Variants in SEC22B observed in about 807,000 individuals in gnomAD.
SEC22B encodes SEC22 homolog B, vesicle trafficking protein, also known as vesicle-trafficking protein SEC22b.
Under a neutral mutation model 31.4 loss-of-function variants are expected in SEC22B, and 10 were observed. The ratio of observed to expected loss-of-function variants is 0.32; its 90% CI spans 0.20 to 0.54. The LOEUF is 0.54. Ranked by LOEUF, SEC22B falls within the 20% of genes least tolerant of loss-of-function variation. SEC22B has a pLI of 0.94. For synonymous variants in SEC22B, 60 were observed against 95.9 expected (o/e 0.63, Z 2.19); for missense variants, 130 against 263.4 (o/e 0.49, Z 3.50).
In SEC22B at chr1:120,150,898, G is replaced by A. The variant is rs1423377127; in HGVS notation, c.*6140C>T. On this transcript the variant is annotated 3_prime_UTR_variant, in exon 5 of 5. Coordinates refer to ENST00000578049, the MANE Select transcript of SEC22B (RefSeq NM_004892.6). ...AGAGAAACAGAAGGGGACCGAGTTT[G>A]TGCAAACAAAAAGCGCAAAATAGAA... is the stretch of plus-strand genomic sequence containing the variant. The A allele has an allele frequency of 6.6e-6, 1 of 152,166 alleles. No homozygotes were observed. Among genetic ancestry groups the A allele is most frequent in the East Asian group, 1.9e-4 (1 of 5,184 alleles). The allele number at this position is 152,166 out of a possible 1,614,324, so 9.4% of individuals were successfully genotyped here. A position where few individuals can be genotyped will look rare whatever the true frequency, so the allele number is the denominator to read the frequency against.
chr1:120,169,047 A>T (rs1657854081), intron 1 of SEC22B, 98 bp from the exon 2 acceptor site: 1 of 398,718 alleles, frequency 2.5e-6, no homozygotes, highest in Non-Finnish European at 4.5e-6. Flanking sequence ...GAGGTCCTTC[A>T]TTTACAGGTA....
intron 1 of SEC22B, among the ~76,000 whole-genome samples, chr1:120,172,233 T>TC (rs1657906006): frequency 1.1e-5 from 1 of 87,498 alleles, no homozygotes. Flanking sequence ...AGAGTGAGAC[T>TC]CCATCTCAAA....
chr1:120,168,152 G>A (rs1340551577), intron 2 of SEC22B, among the ~76,000 whole-genome samples: 41 of 151,810 alleles, frequency 2.7e-4, no homozygotes, highest in South Asian at 6.2e-4. Flanking sequence ...TAACTAATCC[G>A]TTTTTATTTT....
rs1657558610 is a variant in SEC22B at position 120,152,358 on chromosome 1, C to T, written c.*4680G>A. ...AATACACTCAGTTGATTCTGAAGCT[C>T]TAATTTACAGATGCAAAATTGTACC... is the stretch of plus-strand genomic sequence containing the variant. On this transcript the variant is annotated 3_prime_UTR_variant, in exon 5 of 5. Transcript: ENST00000578049. 6.7e-6 allele frequency: 1 copy of T among 149,526 alleles called. No individual in the cohort carries two copies. Among genetic ancestry groups the T allele is most frequent in the Non-Finnish European group, 1.5e-5 (1 of 67,626 alleles). The allele number at this position is 149,526 out of a possible 1,614,324, so 9.3% of individuals were successfully genotyped here.
intron 3 of SEC22B, among the ~76,000 whole-genome samples, chr1:120,160,998 T>A (rs1194944381): frequency 6.6e-6 from 1 of 152,226 alleles, no homozygotes; most frequent in African/African-American, 2.4e-5. Flanking sequence ...AGGCTTTGAT[T>A]ATTTCATTTG....
At chr1:120,165,608 G>A (rs1657792299) in intron 2 of SEC22B, among the ~76,000 whole-genome samples, 1 of 151,870 alleles carries the variant, frequency 6.6e-6, no homozygotes, top group African/African-American at 2.4e-5. Context: ...AGTTTAAGTA[G>A]GAGTTTGCAA....
chr1:120,163,777 C>T (rs1351005117), intron 2 of SEC22B, among the ~76,000 whole-genome samples: 24 of 151,034 alleles, frequency 1.6e-4, no homozygotes, highest in African/African-American at 5.4e-4. Flanking sequence ...GGTTTCACCA[C>T]GTTGGTTGGC....
rs1237933273 is a variant in SEC22B, at chr1:120,153,545, C to A, written c.*3493G>T. Reference sequence around the variant, plus strand: ...AAATGTGATTTTGAGGAACTGAGACCAAAACAATTTTTTGCTGTGGAACCA... The same window carrying A: ...AAATGTGATTTTGAGGAACTGAGACAAAAACAATTTTTTGCTGTGGAACCA... On this transcript the variant is annotated 3_prime_UTR_variant, in exon 5 of 5. Transcript: ENST00000578049. The A allele has an allele frequency of 2.8e-5, 4 of 143,588 alleles. No homozygotes were observed. In the East Asian group the frequency reaches 8.0e-4, roughly 29 times the overall value. The allele number at this position is 143,588 out of a possible 1,614,324, so 8.9% of individuals were successfully genotyped here.
chr1:120,174,381 A>G (rs1329156396), intron 1 of SEC22B, among the ~76,000 whole-genome samples: 2 of 152,228 alleles, frequency 1.3e-5, no homozygotes, highest in Admixed American at 6.5e-5. Flanking sequence ...ACAGACATTA[A>G]AAGTTTAGGC....
chr1:120,176,237 G>A (rs1657960779), intron 1 of SEC22B, 70 bp downstream of exon 1: 3 of 1,459,716 alleles, frequency 2.1e-6, no homozygotes, highest in African/African-American at 2.8e-5. Flanking sequence ...GTCCTAGGAA[G>A]GAATCCGATG....
At chr1:120,168,228 T>C (rs1356457628) in intron 2 of SEC22B, among the ~76,000 whole-genome samples, 1 of 151,982 alleles carries the variant, frequency 6.6e-6, no homozygotes, top group African/African-American at 2.4e-5. Context: ...AAACTTGGCA[T>C]GTATTAAACA....
rs1657638375 is a variant in SEC22B at position 120,157,011 on chromosome 1, C to T, written c.*27G>A. 13 of 1,051,996 alleles carry T rather than the reference C, an allele frequency of 1.2e-5. No individual in the cohort carries two copies. In the South Asian group the frequency reaches 2.7e-4, roughly 22 times the overall value. The allele number at this position is 1,051,996 out of a possible 1,614,324, so 65.2% of individuals were successfully genotyped here. ...ATACACCTACTGGGTTCTAGGTTCT[C>T]CCTTACCAGTGACTGTATTCATTAT... On this transcript the variant is annotated 3_prime_UTR_variant, in exon 5 of 5. Coordinates refer to ENST00000578049, the MANE Select transcript of SEC22B (RefSeq NM_004892.6).
In SEC22B at chr1:120,152,699, A is replaced by T. The variant is rs1443464560; in HGVS notation, c.*4339T>A. 7.0e-6 allele frequency: 1 copy of T among 142,798 alleles called. No homozygotes were observed. Among genetic ancestry groups the T allele is most frequent in the Non-Finnish European group, 1.5e-5 (1 of 67,524 alleles). 8.8% of individuals were successfully genotyped at this position (142,798 alleles called of 1,614,324 possible). On this transcript the variant is annotated 3_prime_UTR_variant, in exon 5 of 5. Coordinates refer to ENST00000578049, the MANE Select transcript of SEC22B (RefSeq NM_004892.6). ...GAAGACGTGATAATGAAGTAAATTT[A>T]AAAAGTACGGAATAATAAAAAGAAA...
chr1:120,170,634 CAT>C (rs1212150523), intron 1 of SEC22B, among the ~76,000 whole-genome samples: 2 of 150,158 alleles, frequency 1.3e-5, no homozygotes, highest in Non-Finnish European at 2.9e-5. Flanking sequence ...GTTTTATTGA[CAT>C]ATATTTGTTA....
chr1:120,167,568 G>A (rs1657831738), intron 2 of SEC22B, among the ~76,000 whole-genome samples: 1 of 151,546 alleles, frequency 6.6e-6, no homozygotes, highest in Non-Finnish European at 1.5e-5. Flanking sequence ...CCTTCTCTCT[G>A]TTCCCAAAAC....
rs1363313200 is a variant in SEC22B, at chr1:120,155,665, C to T, written c.*1373G>A. The T allele has an allele frequency of 1.3e-5, 2 of 151,598 alleles. No homozygotes were observed. The highest frequency in any genetic ancestry group is 2.4e-5 in the African/African-American group (1 of 41,390). The allele number at this position is 151,598 out of a possible 1,614,324, so 9.4% of individuals were successfully genotyped here. A position where few individuals can be genotyped will look rare whatever the true frequency, so the allele number is the denominator to read the frequency against. On this transcript the variant is annotated 3_prime_UTR_variant, in exon 5 of 5. Coordinates refer to ENST00000578049, the MANE Select transcript of SEC22B (RefSeq NM_004892.6). ...AAGATATTAAGAAATAAAAAGTTCG[C>T]TCATTTTCCTGTGCAATTTAAAGAA...
intron 2 of SEC22B, among the ~76,000 whole-genome samples, chr1:120,167,573 C>G (rs2101130805): frequency 6.6e-6 from 1 of 151,896 alleles, no homozygotes; most frequent in South Asian, 2.1e-4. Flanking sequence ...TCTCTGTTCC[C>G]AAAACATTTC....
intron 2 of SEC22B, among the ~76,000 whole-genome samples, chr1:120,168,378 A>G (rs1657845336): frequency 6.6e-6 from 1 of 152,030 alleles, no homozygotes; most frequent in South Asian, 2.1e-4. Context: ...AATAACTAAT[A>G]ATTATTGACT....
chr1:120,163,900 G>T (rs1359402629), intron 2 of SEC22B, among the ~76,000 whole-genome samples: 1 of 149,328 alleles, frequency 6.7e-6, no homozygotes, highest in African/African-American at 2.5e-5. Flanking sequence ...ATTCTAAAAG[G>T]AGTATTTAGA....
Sources: gnomAD v4.1 joint callset for allele counts (sites outside exome capture counted in the v4.1 genomes callset) on GRCh38, gnomAD v4.1.1 for gene constraint, MANE v1.5 for transcripts, NCBI Gene and HGNC (gene_info 2026-07-23, HGNC 2026-07-21) for gene names.